ABI3BP: variants seen among roughly 807,000 people sequenced by gnomAD.
ABI3BP encodes ABI family member 3 binding protein, also known as target of Nesh-SH3.
A neutral mutation model predicts 268.6 loss-of-function variants in ABI3BP; 216 were observed. The ratio of observed to expected loss-of-function variants is 0.80; its 90% CI spans 0.72 to 0.90. The LOEUF (loss-of-function observed/expected upper bound fraction) is 0.90, where lower values mean the gene tolerates loss of function less well. Ranked by LOEUF, ABI3BP falls within the 40% of genes least tolerant of loss-of-function variation. The probability of loss-of-function intolerance (pLI) is 0.00; values close to 1 mark genes in which losing one functional copy is unlikely to be tolerated. For missense variants in ABI3BP, 2,090 were observed against 2,182.4 expected, an observed-to-expected ratio of 0.96 and a Z score of 0.84; for synonymous variants, 730 against 730.0, an observed-to-expected ratio of 1.00 and a Z score of 0.00.
At chr3:100,968,878 C>T (rs1284758522) in intron 1 of ABI3BP, among the ~76,000 whole-genome samples, 1 of 151,980 alleles carries the variant, frequency 6.6e-6, no homozygotes, top group East Asian at 1.9e-4. Flanking sequence ...TGTGATGTTC[C>T]CCTTCCTGTG....
chr3:100,911,559 A>G, intron 2 of ABI3BP: 2 of 618,060 alleles, frequency 3.2e-6, no homozygotes, highest in Non-Finnish European at 5.9e-6. Flanking sequence ...TATCTTATGT[A>G]CCTCCTTTAC....
At chr3:100,990,549 T>A (rs1003108420) in intron 1 of ABI3BP, among the ~76,000 whole-genome samples, 4 of 149,222 alleles carry the variant, frequency 2.7e-5, no homozygotes, top group Non-Finnish European at 5.9e-5. Flanking sequence ...TGACTTCTTA[T>A]AAATAACTAT....
intron 6 of ABI3BP, among the ~76,000 whole-genome samples, chr3:100,880,518 G>A (rs748498712): frequency 3.9e-5 from 6 of 152,168 alleles, no homozygotes; most frequent in African/African-American, 9.7e-5. Flanking sequence ...TATGCCTTGA[G>A]CAGAAGTCTG....
intron 2 of ABI3BP, among the ~76,000 whole-genome samples, chr3:100,904,572 G>A (rs2052301662): frequency 6.6e-6 from 1 of 152,164 alleles, no homozygotes; most frequent in African/African-American, 2.4e-5. Context: ...TAAGGAGGGG[G>A]ACACACAGAG....
chr3:100,882,203 G>A (rs896311564), intron 6 of ABI3BP, among the ~76,000 whole-genome samples: 1 of 152,080 alleles, frequency 6.6e-6, no homozygotes, highest in East Asian at 1.9e-4. Flanking sequence ...AGCAAAACAT[G>A]TGAAATTAAT....
intron 1 of ABI3BP, among the ~76,000 whole-genome samples, chr3:100,962,244 A>C (rs900091660): frequency 3.3e-5 from 5 of 152,124 alleles, no homozygotes; most frequent in African/African-American, 1.2e-4. Flanking sequence ...CCCACTTTTG[A>C]ACCTATAAAC....
At position 100,894,176 on chromosome 3, in the gene ABI3BP, C is replaced by G. The variant is rs186900999; in HGVS notation, c.461+4586G>C. 8.6e-5 allele frequency among the ~76,000 whole-genome samples: 13 copies of G among 151,986 alleles called. 2 individuals are homozygous for G. In the East Asian group the frequency reaches 2.5e-3, roughly 29 times the overall value. ...AAAGAAAAACGAATGTATCTTCGGG[C>G]CTTCATAAACGATAGTAGGTGAAAA... is the stretch of plus-strand genomic sequence containing the variant. On this transcript the variant is annotated intron_variant, in intron 4 of 67. Transcript: ENST00000471714.
At chr3:100,852,036 G>T in intron 14 of ABI3BP, 96 bp from the exon 15 acceptor site, 1 of 1,138,358 alleles carries the variant, frequency 8.8e-7, no homozygotes, top group Non-Finnish European at 1.2e-6. Context: ...AATGCTGGTT[G>T]AAGGACAGTT....
intron 67 of ABI3BP, 106 bp from the exon 68 acceptor site, chr3:100,750,716 G>T (rs1462035328): frequency 9.8e-6 from 7 of 712,848 alleles, no homozygotes; most frequent in Non-Finnish European, 1.6e-5. Context: ...TAATCTTAGT[G>T]AAGCGAGGTA....
rs1052242000 is a variant in ABI3BP at position 100,851,766 on chromosome 3, A to G, written c.1351+109T>C. The G allele has an allele frequency of 4.5e-6, 4 of 891,714 alleles. No individual in the cohort carries two copies. In the African/African-American group the frequency reaches 5.1e-5, roughly 11 times the overall value. The allele number at this position is 891,714 out of a possible 1,614,324, so 55.2% of individuals were successfully genotyped here. ...CCTGACACAGGTAGAAATTTCTCCC[A>G]TGCAGAGCTCCAGAGGATACAATTT... On this transcript the variant is annotated intron_variant, in intron 15 of 67. Coordinates refer to ENST00000471714, the MANE Select transcript of ABI3BP (RefSeq NM_001375547.2).
chr3:100,774,454 C>T (rs997520551), intron 61 of ABI3BP, 151 bp downstream of exon 61: 9 of 581,804 alleles, frequency 1.5e-5, no homozygotes, highest in African/African-American at 3.8e-5. Context: ...TCAGCTGACA[C>T]CCAGTTGACT....
At chr3:100,799,208 G>A (rs1361001517) in intron 51 of ABI3BP, among the ~76,000 whole-genome samples, 5 of 151,904 alleles carry the variant, frequency 3.3e-5, no homozygotes, top group African/African-American at 7.3e-5. Flanking sequence ...CTATATATCT[G>A]CCTTGGCTTC....
chr3:100,867,006 T>C, intron 9 of ABI3BP, 50 bp from the exon 10 acceptor site: 1 of 1,428,328 alleles, frequency 7.0e-7, no homozygotes. Flanking sequence ...TGTCCAAAAA[T>C]ACCTCCCTCA....
intron 57 of ABI3BP, among the ~76,000 whole-genome samples, chr3:100,784,540 A>C (rs2096966763): frequency 6.6e-6 from 1 of 152,216 alleles, no homozygotes; most frequent in Non-Finnish European, 1.5e-5. Flanking sequence ...ATCTACTTAG[A>C]GGAAAATAAG....
intron 2 of ABI3BP, among the ~76,000 whole-genome samples, chr3:100,923,516 C>T (rs1367201914): frequency 1.3e-5 from 2 of 151,846 alleles, no homozygotes; most frequent in African/African-American, 4.8e-5. Flanking sequence ...TGATAAAAAC[C>T]CATTAAATAT....
At chr3:100,849,287 G>A (rs111323702) in intron 17 of ABI3BP, among the ~76,000 whole-genome samples, 1,971 of 148,062 alleles carry the variant, frequency 0.013, 43 homozygotes, top group African/African-American at 0.046. Context: ...AGTGCGTGGC[G>A]CAACCTTGGC....
intron 9 of ABI3BP, among the ~76,000 whole-genome samples, chr3:100,869,944 T>G (rs2099094016): frequency 6.6e-6 from 1 of 152,178 alleles, no homozygotes; most frequent in Non-Finnish European, 1.5e-5. Context: ...CCCTTGGGGA[T>G]GTGTGTGTAA....
chr3:100,969,416 C>T (rs2153860627), intron 1 of ABI3BP, among the ~76,000 whole-genome samples: 1 of 152,282 alleles, frequency 6.6e-6, no homozygotes, highest in South Asian at 2.1e-4. Flanking sequence ...TCCCCTGCTG[C>T]CTCATGCAAA....
Position 100,834,707 on chromosome 3 carries a change from G to C in ABI3BP, c.2258C>G (p.Pro753Arg). 2.0e-6 allele frequency: 3 copies of C among 1,535,670 alleles called. No individual in the cohort carries two copies. The highest frequency in any genetic ancestry group is 2.6e-6 in the Non-Finnish European group (3 of 1,146,560). The change falls in exon 29 of 68, where the codon CCA becomes CGA. Residue 753 changes from proline to arginine, a missense_variant. Transcript: ENST00000471714. ...ACCTAGTTTGGTCTGCAGTGTCTCTGGGCGTGGCGTGGTTTTATGTTTGGG... is the reference window on the plus strand; with the variant it reads ...ACCTAGTTTGGTCTGCAGTGTCTCTCGGCGTGGCGTGGTTTTATGTTTGGG... The part of the protein sequence containing the change: ...PRPKHKTTPR[P>R]ETLQTKLDFG...
Sources: gnomAD v4.1 joint callset for allele counts (sites outside exome capture counted in the v4.1 genomes callset) on GRCh38, gnomAD v4.1.1 for gene constraint, MANE v1.5 for transcripts, NCBI Gene and HGNC (gene_info 2026-07-23, HGNC 2026-07-21) for gene names.